Variants in MYH15 observed in about 807,000 individuals in gnomAD.
MYH15 encodes myosin heavy chain 15, also known as myosin-15.
In MYH15, 227 loss-of-function variants were observed where a neutral mutation model predicts 240.5. The ratio of observed to expected loss-of-function variants is 0.94; its 90% CI spans 0.85 to 1.05. The LOEUF (loss-of-function observed/expected upper bound fraction) is 1.05. MYH15 is among the 50% of genes least tolerant of loss of function. The pLI, the probability that MYH15 is intolerant of heterozygous loss-of-function variation, is 0.00. For synonymous variants in MYH15, 785 were observed against 796.7 expected (o/e 0.99, Z 0.25); for missense variants, 2,217 against 2,247.5 (o/e 0.99, Z 0.27).
At chr3:108,528,785 T>C (rs771306078) in intron 1 of MYH15, among the ~76,000 whole-genome samples, 35 of 152,322 alleles carry the variant, frequency 2.3e-4, no homozygotes, top group Non-Finnish European at 4.6e-4. Context: ...TCTGACACTA[T>C]AGACCATGCT....
intron 1 of MYH15, among the ~76,000 whole-genome samples, chr3:108,522,171 T>C (rs2083624459): frequency 6.6e-6 from 1 of 151,844 alleles, no homozygotes; most frequent in Non-Finnish European, 1.5e-5. Context: ...AGGAGATGTA[T>C]GTGGTGAAGA....
intron 27 of MYH15, among the ~76,000 whole-genome samples, chr3:108,424,127 A>G (rs1272750933): frequency 6.6e-6 from 1 of 152,228 alleles, no homozygotes; most frequent in East Asian, 1.9e-4. Flanking sequence ...AACTTAGTCA[A>G]TGGTGCGTGG....
At chr3:108,518,696 G>A (rs1030829082) in intron 1 of MYH15, among the ~76,000 whole-genome samples, 3 of 152,106 alleles carry the variant, frequency 2.0e-5, no homozygotes, top group Non-Finnish European at 2.9e-5. Context: ...GTGTTCACAC[G>A]TCATGTGACC....
At chr3:108,399,468 A>G (rs2082488181) in intron 33 of MYH15, among the ~76,000 whole-genome samples, 1 of 152,250 alleles carries the variant, frequency 6.6e-6, no homozygotes, top group African/African-American at 2.4e-5. Flanking sequence ...TATGTCCACC[A>G]TAATGGACTA....
chr3:108,384,716 G>T lies in MYH15; in HGVS notation c.5602C>A (p.Gln1868Lys). 1 of 1,613,706 alleles carries T rather than the reference G, an allele frequency of 6.2e-7. No homozygotes were observed. The highest frequency in any genetic ancestry group is 8.5e-7 in the Non-Finnish European group (1 of 1,179,836). The change falls in exon 39 of 41, where the codon CAA (glutamine) becomes AAA (lysine). Residue 1868 changes from glutamine (Q) to lysine (K), a missense_variant. Gln to Lys is a moderately conservative substitution (Grantham distance 53, BLOSUM62 1). Coordinates refer to ENST00000693548, the MANE Select transcript of MYH15 (RefSeq NM_014981.3). ...ACCTCGACTTGCTGCTTGTAATTTT[G>T]CACTTTTAGCTGAAGTTTATCCATC... ...TQMDKLQLKV[Q>K]NYKQQVEVAE...
chr3:108,524,352 T>C (rs1285998388), intron 1 of MYH15, among the ~76,000 whole-genome samples: 1 of 152,054 alleles, frequency 6.6e-6, no homozygotes, highest in Non-Finnish European at 1.5e-5. Flanking sequence ...CTGAATTGTT[T>C]GTTCTGTCTA....
At chr3:108,417,794 T>TAC (rs1050480076) in intron 28 of MYH15, among the ~76,000 whole-genome samples, 1,828 of 93,214 alleles carry the variant, frequency 0.02, 16 homozygotes, top group Non-Finnish European at 0.024. Context: ...TGTATATATA[T>TAC]ATACACACAC....
rs755852424 is a variant in MYH15, at chr3:108,437,546, T to C, written c.3221+8A>G. On this transcript the variant is annotated splice_region_variant and intron_variant, in intron 25 of 40. Transcript: ENST00000693548. ...CAGCAATCTCATGTCAACAGAAAGG[T>C]GGCTTACTTCCTCAGCTCTTCTGCC... 28 of 1,609,936 alleles carry C rather than the reference T, an allele frequency of 1.7e-5. No homozygotes were observed. The highest frequency in any genetic ancestry group is 2.3e-5 in the Non-Finnish European group (27 of 1,178,556).
chr3:108,412,320 T>G (rs1384287685), intron 30 of MYH15, among the ~76,000 whole-genome samples: 1 of 152,194 alleles, frequency 6.6e-6, no homozygotes, highest in African/African-American at 2.4e-5. Context: ...GCTTTCCCCT[T>G]TTTTATTCAC....
chr3:108,408,326 A>T lies in MYH15; in HGVS notation c.4574T>A (p.Ile1525Asn), dbSNP rs749378700. The change falls in exon 32 of 41, where the codon ATT becomes AAT. Residue 1525 changes from isoleucine to asparagine, a missense_variant. By Grantham distance (149) the Ile-to-Asn change is moderately radical (BLOSUM62 -3). Coordinates refer to ENST00000693548, the MANE Select transcript of MYH15 (RefSeq NM_014981.3). ...CTGGACTTCTGTCTTCTCTTCTTCA[A>T]TTAGTTTCTTGACCTTTTCCATTTC... The part of the protein sequence containing the change: ...LTEMEKVKKL[I>N]EEEKTEVQVT... 6.2e-6 allele frequency: 10 copies of T among 1,613,646 alleles called. No homozygotes were observed. Among genetic ancestry groups the T allele is most frequent in the Non-Finnish European group, 8.5e-6 (10 of 1,179,896 alleles).
rs1377266671 is a variant in MYH15, at chr3:108,416,816, G to A, written c.3944C>T (p.Thr1315Ile). 13 of 1,608,628 alleles carry A rather than the reference G, an allele frequency of 8.1e-6. No homozygotes were observed. Among genetic ancestry groups the A allele is most frequent in the Non-Finnish European group, 1.1e-5 (13 of 1,175,932 alleles). Residue 1315 changes from threonine to isoleucine, a missense_variant, in exon 29 of 41, where the codon ACC becomes ATC. Physicochemically the swap from Thr to Ile is moderately conservative, Grantham distance 89 (BLOSUM62 -1). Transcript: ENST00000693548. ...EDLRGQLEKETKSQSALAHAL... is the reference protein window; with the variant it reads ...EDLRGQLEKEIKSQSALAHAL... ...GAGAAATAATAGATACATTACTTTG[G>A]TCTCCTTTTCCAGCTGCCCTCTCAG...
intron 14 of MYH15, among the ~76,000 whole-genome samples, chr3:108,465,608 GC>G (rs2083108511): frequency 1.3e-5 from 2 of 152,220 alleles, no homozygotes; most frequent in African/African-American, 4.8e-5. Context: ...AAGCCAGTGA[GC>G]TAAGAATGGC....
chr3:108,472,200 C>T lies in MYH15; in HGVS notation c.1234-1353G>A, dbSNP rs914671305. On this transcript the variant is annotated intron_variant, in intron 12 of 40. Coordinates refer to ENST00000693548, the MANE Select transcript of MYH15 (RefSeq NM_014981.3). ...CCAACCTTTGTGCCTGGATGATGCT[C>T]TACAAATGCAGATCCTACTTCCATA... Among the ~76,000 whole-genome samples, 44 of 152,196 alleles carry T rather than the reference C, an allele frequency of 2.9e-4. 1 individual carries two copies. Among genetic ancestry groups the T allele is most frequent in the Admixed American group, 9.8e-4 (15 of 15,280 alleles).
chr3:108,484,627 C>T (rs765058023), intron 11 of MYH15, among the ~76,000 whole-genome samples: 3 of 152,036 alleles, frequency 2.0e-5, no homozygotes, highest in South Asian at 2.1e-4. Context: ...TATAGGCGTG[C>T]GCAACCACGC....
upstream of MYH15, among the ~76,000 whole-genome samples, chr3:108,514,729 G>A (rs1444232499): frequency 3.3e-5 from 5 of 152,082 alleles, no homozygotes; most frequent in Admixed American, 1.3e-4. Flanking sequence ...ATACAGCCAC[G>A]ACTCCTAACT....
chr3:108,493,617 C>T (rs2083369843), intron 7 of MYH15, among the ~76,000 whole-genome samples: 1 of 152,110 alleles, frequency 6.6e-6, no homozygotes, highest in Non-Finnish European at 1.5e-5. Flanking sequence ...GGAGATACCG[C>T]ACAAAAAAAA....
At chr3:108,410,247 G>T in intron 31 of MYH15, among the ~76,000 whole-genome samples, 1 of 152,080 alleles carries the variant, frequency 6.6e-6, no homozygotes, top group East Asian at 1.9e-4. Flanking sequence ...ATGAAAAAAA[G>T]GTGTAGAACA....
chr3:108,398,918 T>C, intron 34 of MYH15, 78 bp from the exon 35 acceptor site: 1 of 1,483,240 alleles, frequency 6.7e-7, no homozygotes, highest in Admixed American at 1.7e-5. Context: ...ATGCATGATC[T>C]GACTATATAT....
chr3:108,396,775 C>T (rs572132171), intron 35 of MYH15, among the ~76,000 whole-genome samples: 17 of 152,312 alleles, frequency 1.1e-4, no homozygotes, highest in East Asian at 1.9e-4. Context: ...GGTACCCAGA[C>T]GGGATTGTGT....
Sources: allele counts gnomAD v4.1 joint callset (sites outside exome capture counted in the v4.1 genomes callset), GRCh38; gene constraint gnomAD v4.1.1; transcripts MANE v1.5; gene names NCBI Gene and HGNC (gene_info 2026-07-23, HGNC 2026-07-21).